The following TRIT1 variants were observed in gnomAD, a reference collection of about 807,000 sequenced individuals.
TRIT1 encodes tRNA isopentenyltransferase 1.
In TRIT1, 43 loss-of-function variants were observed where a neutral mutation model predicts 51.2. The observed-to-expected ratio is 0.84, with a 90% CI of 0.66 to 1.08. TRIT1 has a LOEUF of 1.08. Among genes scored for constraint, TRIT1 ranks in the 50% least tolerant of loss-of-function variants. The pLI, the probability that TRIT1 is intolerant of heterozygous loss-of-function variation, is 0.00. For synonymous variants in TRIT1, 184 were observed against 203.9 expected, an observed-to-expected ratio of 0.90 and a Z score of 0.83; for missense variants, 528 against 578.4, an observed-to-expected ratio of 0.91 and a Z score of 0.89.
chr1:39,839,639 T>C lies in TRIT1; in HGVS notation c.*2105A>G, dbSNP rs1018492853. 9.9e-5 allele frequency among the ~76,000 whole-genome samples: 15 copies of C among 152,210 alleles called. No individual in the cohort carries two copies. The highest frequency in any genetic ancestry group is 3.6e-4 in the African/African-American group (15 of 41,460). Reference sequence around the variant, plus strand: ...CTTTGCTGCTGATAAAGGAATTTCATTTGGCTGAATTTACAATTTCTAAGA... The same window carrying C: ...CTTTGCTGCTGATAAAGGAATTTCACTTGGCTGAATTTACAATTTCTAAGA... On this transcript the variant is annotated 3_prime_UTR_variant, in exon 11 of 11. Transcript: ENST00000316891.
chr1:39,862,781 C>T (rs1643325305), intron 1 of TRIT1: 1 of 985,378 alleles, frequency 1.0e-6, no homozygotes, highest in Non-Finnish European at 1.2e-6. Flanking sequence ...GAATCTCTTA[C>T]ACTTACCCTA....
chr1:39,844,843 A>C (rs1244518090), intron 8 of TRIT1, among the ~76,000 whole-genome samples: 2 of 152,260 alleles, frequency 1.3e-5, no homozygotes, highest in African/African-American at 4.8e-5. Flanking sequence ...GACTAGCTAC[A>C]TAATCTGGAT....
chr1:39,859,588 A>G (rs1245208588), intron 1 of TRIT1, among the ~76,000 whole-genome samples: 1 of 151,900 alleles, frequency 6.6e-6, no homozygotes, highest in Non-Finnish European at 1.5e-5. Flanking sequence ...GTCTCAAAAA[A>G]AAAAAAGAAA....
intron 1 of TRIT1, among the ~76,000 whole-genome samples, chr1:39,877,309 G>A (rs1450833323): frequency 1.3e-5 from 2 of 148,290 alleles, no homozygotes; most frequent in East Asian, 3.9e-4. Flanking sequence ...GATCAGCCTG[G>A]GCAACATGGT....
At chr1:39,868,363 C>T (rs1643666212) in intron 1 of TRIT1, among the ~76,000 whole-genome samples, 1 of 152,146 alleles carries the variant, frequency 6.6e-6, no homozygotes, top group South Asian at 2.1e-4. Context: ...GAACTCTTGG[C>T]CAGGCACAGT....
chr1:39,852,546 A>G, intron 4 of TRIT1, 185 bp downstream of exon 4: 1 of 669,300 alleles, frequency 1.5e-6, no homozygotes, highest in Admixed American at 2.6e-5. Flanking sequence ...AGTAGGCTGC[A>G]ATTATTTATT....
chr1:39,857,569 C>T, intron 1 of TRIT1, 152 bp from the exon 2 acceptor site: 1 of 771,530 alleles, frequency 1.3e-6, no homozygotes. Flanking sequence ...ACAGCACAGC[C>T]AGATCCACGA....
chr1:39,851,299 TCTTA>T (rs1418126004), intron 4 of TRIT1, among the ~76,000 whole-genome samples: 1 of 152,100 alleles, frequency 6.6e-6, no homozygotes, highest in African/African-American at 2.4e-5. Flanking sequence ...ACCTATTGAC[TCTTA>T]CTAAGAAAAA....
intron 1 of TRIT1, chr1:39,862,968 C>T (rs1643334261): frequency 1.0e-6 from 1 of 985,178 alleles, no homozygotes; most frequent in Non-Finnish European, 1.2e-6. Context: ...GAATGAAATG[C>T]TTTTCTCTGC....
chr1:39,864,783 G>A (rs1335961890), intron 1 of TRIT1, among the ~76,000 whole-genome samples: 1 of 152,082 alleles, frequency 6.6e-6, no homozygotes, highest in Non-Finnish European at 1.5e-5. Flanking sequence ...GGCCCTGAGT[G>A]TGCTAATCAG....
chr1:39,854,290 A>G (rs939639906), intron 2 of TRIT1, among the ~76,000 whole-genome samples: 1 of 152,206 alleles, frequency 6.6e-6, no homozygotes, highest in Non-Finnish European at 1.5e-5. Flanking sequence ...GCATAGTGGT[A>G]ATTCCTTCCA....
intron 1 of TRIT1, among the ~76,000 whole-genome samples, chr1:39,880,268 T>TTAAAAA (rs1553148796): frequency 3.2e-5 from 3 of 94,870 alleles, no homozygotes; most frequent in East Asian, 3.2e-4. Context: ...AGACCTCAAA[T>TTAAAAA]AAAAAAAAAA....
At chr1:39,864,248 G>A (rs1225065922) in intron 1 of TRIT1, among the ~76,000 whole-genome samples, 3 of 151,926 alleles carry the variant, frequency 2.0e-5, no homozygotes, top group Non-Finnish European at 4.4e-5. Flanking sequence ...AGAGGGTAGA[G>A]GCCAAGGATG....
rs770729723 is a variant in TRIT1, at chr1:39,848,121, C to T, written c.704-24G>A. 3.1e-6 allele frequency: 5 copies of T among 1,597,296 alleles called. No homozygotes were observed. In the African/African-American group the frequency reaches 5.4e-5, roughly 17 times the overall value. On this transcript the variant is annotated intron_variant, in intron 5 of 10. Transcript: ENST00000316891. ...AACTTGAATCAAATTAGCCCATCAA[C>T]CAGCAAGCAAGTTGTAGGTACCTAC...
intron 1 of TRIT1, among the ~76,000 whole-genome samples, chr1:39,880,772 C>A (rs1308281605): frequency 6.6e-6 from 1 of 151,064 alleles, no homozygotes; most frequent in African/African-American, 2.4e-5. Flanking sequence ...GCACTCCAGC[C>A]TGGGCGACAG....
intron 4 of TRIT1, 120 bp from the exon 5 acceptor site, chr1:39,850,381 A>G: frequency 7.8e-7 from 1 of 1,284,958 alleles, no homozygotes; most frequent in Non-Finnish European, 1.1e-6. Flanking sequence ...CTTGAAAGCC[A>G]GTCACGACAG....
At chr1:39,860,869 G>A (rs1643196921) in intron 1 of TRIT1, among the ~76,000 whole-genome samples, 1 of 152,196 alleles carries the variant, frequency 6.6e-6, no homozygotes, top group African/African-American at 2.4e-5. Context: ...CATGAGATCA[G>A]GAGTTCAAGA....
At chr1:39,881,369 A>G (rs142382419) in intron 1 of TRIT1, among the ~76,000 whole-genome samples, 36 of 152,234 alleles carry the variant, frequency 2.4e-4, no homozygotes, top group African/African-American at 8.7e-4. Context: ...CTACTATTAT[A>G]CCATTCTTGG....
chr1:39,857,704 G>C (rs1421508243), intron 1 of TRIT1, among the ~76,000 whole-genome samples: 3 of 152,182 alleles, frequency 2.0e-5, no homozygotes, highest in Non-Finnish European at 4.4e-5. Flanking sequence ...AACGAATTCT[G>C]CATGGCCAGA....
Sources: allele counts gnomAD v4.1 joint callset (sites outside exome capture counted in the v4.1 genomes callset), GRCh38; gene constraint gnomAD v4.1.1; transcripts MANE v1.5; gene names NCBI Gene and HGNC (gene_info 2026-07-23, HGNC 2026-07-21).